KCNMA1: variants seen among roughly 807,000 people sequenced by gnomAD.
The protein encoded by KCNMA1 is potassium calcium-activated channel subfamily M alpha 1, also known as Calcium-activated potassium channel subunit alpha-1.
In KCNMA1, 29 loss-of-function variants were observed where a neutral mutation model predicts 140.0. The observed-to-expected ratio is 0.21, with a 90% CI of 0.15 to 0.28. The LOEUF is 0.28. Among genes scored for constraint, KCNMA1 ranks in the 10% least tolerant of loss-of-function variants. KCNMA1 has a pLI of 1.00. For synonymous variants in KCNMA1, 612 were observed against 611.9 expected, an observed-to-expected ratio of 1.00 and a Z score of 0.00; for missense variants, 880 against 1,602.2, an observed-to-expected ratio of 0.55 and a Z score of 7.70.
intron 3 of KCNMA1, among the ~76,000 whole-genome samples, chr10:77,227,636 T>C (rs2051958866): frequency 6.6e-6 from 1 of 152,182 alleles, no homozygotes; most frequent in Non-Finnish European, 1.5e-5. Flanking sequence ...TTATCAGGGG[T>C]CTGAAATCCT....
chr10:77,219,345 G>A (rs2048819353), intron 3 of KCNMA1, among the ~76,000 whole-genome samples: 1 of 152,126 alleles, frequency 6.6e-6, no homozygotes, highest in Non-Finnish European at 1.5e-5. Flanking sequence ...ACAACAAAAA[G>A]TTAATAGACA....
chr10:76,884,643 T>A (rs919438559), downstream of KCNMA1: 6 of 210,156 alleles, frequency 2.9e-5, no homozygotes, highest in Admixed American at 1.8e-4. Flanking sequence ...TGGAGAGAAG[T>A]TCCCCCCAAA....
chr10:77,388,207 G>C (rs1414852049), intron 2 of KCNMA1, among the ~76,000 whole-genome samples: 1 of 152,176 alleles, frequency 6.6e-6, no homozygotes, highest in African/African-American at 2.4e-5. Context: ...TAGCAGCCAA[G>C]GCTGTGAAAT....
rs1484259264 is a variant in KCNMA1, at chr10:77,637,591, C to CGCCGCCGCCGCCGCCGCTGCT, written c.31_51dup (p.Ser11_Gly17dup). Reference sequence around the variant, plus strand: ...CTCATTCTAAGACTGCTGCCTCCGCCGCCGCCGCCGCCGCCGCTGCTGCCG... The same window carrying CGCCGCCGCCGCCGCCGCTGCT: ...CTCATTCTAAGACTGCTGCCTCCGCCGCCGCCGCCGCCGCCGCTGCTGCCGCCGCCGCCGCCGCTGCTGCCG... On this transcript the variant is annotated inframe_insertion, in exon 1 of 28. Transcript: ENST00000286628. 9.8e-6 allele frequency: 15 copies of CGCCGCCGCCGCCGCCGCTGCT among 1,524,852 alleles called. No homozygotes were observed. The highest frequency in any genetic ancestry group is 3.6e-5 in the South Asian group (3 of 82,674). The allele number at this position is 1,524,852 out of a possible 1,614,324, so 94.5% of individuals were successfully genotyped here. A position where few individuals can be genotyped will look rare whatever the true frequency, so the allele number is the denominator to read the frequency against.
chr10:77,634,179 G>T (rs947540706), intron 1 of KCNMA1: 1 of 985,240 alleles, frequency 1.0e-6, no homozygotes, highest in African/African-American at 1.7e-5. Flanking sequence ...GTCTATGACA[G>T]GATTGAACTT....
At chr10:76,952,267 TC>T in intron 21 of KCNMA1, 2 of 1,287,294 alleles carry the variant, frequency 1.6e-6, no homozygotes, top group South Asian at 1.6e-5. Context: ...ACGCCTGTAA[TC>T]CCAGCACTTT....
At chr10:77,636,627 G>C (rs1488704460) in intron 1 of KCNMA1, 43 of 1,535,966 alleles carry the variant, frequency 2.8e-5, no homozygotes, top group Non-Finnish European at 3.6e-5. Flanking sequence ...TTCCAAAAGT[G>C]GCAGCCCCGT....
At chr10:76,909,152 T>C (rs1345897850) in intron 25 of KCNMA1, among the ~76,000 whole-genome samples, 1 of 152,212 alleles carries the variant, frequency 6.6e-6, no homozygotes, top group Non-Finnish European at 1.5e-5. Context: ...TCAGTCTCAG[T>C]GACAGGCCTG....
intron 2 of KCNMA1, among the ~76,000 whole-genome samples, chr10:77,343,451 C>T (rs911636173): frequency 6.6e-6 from 1 of 152,090 alleles, no homozygotes; most frequent in African/African-American, 2.4e-5. Context: ...CTCCCTACTG[C>T]CTCAATGAGC....
intron 3 of KCNMA1, among the ~76,000 whole-genome samples, chr10:77,195,109 A>G (rs1163163696): frequency 6.6e-6 from 1 of 152,220 alleles, no homozygotes; most frequent in Admixed American, 6.6e-5. Context: ...AAGACCTGGT[A>G]GAAGTCTTTC....
intron 1 of KCNMA1, among the ~76,000 whole-genome samples, chr10:77,522,894 A>G (rs1650221971): frequency 1.3e-5 from 2 of 152,212 alleles, no homozygotes; most frequent in South Asian, 4.1e-4. Context: ...ATTAAATAGC[A>G]ACACCTACTG....
At chr10:77,464,941 G>T (rs2097956484) in intron 1 of KCNMA1, among the ~76,000 whole-genome samples, 1 of 152,126 alleles carries the variant, frequency 6.6e-6, no homozygotes. Context: ...GGGCTGAAGT[G>T]GCCAATTACC....
chr10:77,636,696 C>T, intron 1 of KCNMA1: 1 of 1,528,664 alleles, frequency 6.5e-7, no homozygotes, highest in Non-Finnish European at 8.7e-7. Flanking sequence ...CGAAGTCCCC[C>T]TGTTATCTCG....
At chr10:77,514,624 G>C (rs1025870943) in intron 1 of KCNMA1, among the ~76,000 whole-genome samples, 1 of 152,170 alleles carries the variant, frequency 6.6e-6, no homozygotes, top group Non-Finnish European at 1.5e-5. Context: ...GGTATGCGGA[G>C]AGAGAACCAT....
At chr10:77,074,598 A>G (rs1045371910) in intron 13 of KCNMA1, among the ~76,000 whole-genome samples, 3 of 152,254 alleles carry the variant, frequency 2.0e-5, no homozygotes, top group African/African-American at 7.2e-5. Context: ...GCTTTGTTCT[A>G]GAAGCCAGAA....
chr10:77,169,529 A>G (rs2098679838), intron 5 of KCNMA1, among the ~76,000 whole-genome samples: 1 of 152,074 alleles, frequency 6.6e-6, no homozygotes, highest in Non-Finnish European at 1.5e-5. Context: ...AGCTGGGACC[A>G]CAGGTATGTG....
intron 24 of KCNMA1, chr10:76,911,791 G>A (rs2050395214): frequency 6.6e-6 from 1 of 152,204 alleles, no homozygotes; most frequent in African/African-American, 2.4e-5. Flanking sequence ...CTTGTCCAAA[G>A]GGATGTTGTA....
intron 1 of KCNMA1, among the ~76,000 whole-genome samples, chr10:77,466,629 C>A (rs1411726125): frequency 6.6e-6 from 1 of 152,180 alleles, no homozygotes; most frequent in Non-Finnish European, 1.5e-5. Context: ...ATATAATCAA[C>A]CATTGAAGGC....
At position 77,032,180 on chromosome 10, in the gene KCNMA1, T is replaced by C. The variant is rs139347288; in HGVS notation, c.1860-4289A>G. On this transcript the variant is annotated intron_variant, in intron 15 of 27. Coordinates refer to ENST00000286628, the MANE Select transcript of KCNMA1 (RefSeq NM_001161352.2). ...TTGGGACCTTCTAGAGACCCTCTTA[T>C]ACCCTTATGTACCCCTTACACTCCC... is the stretch of plus-strand genomic sequence containing the variant. Among the ~76,000 whole-genome samples, 98 of 152,338 alleles carry C rather than the reference T, an allele frequency of 6.4e-4. No homozygotes were observed. In the East Asian group the frequency reaches 8.5e-3, roughly 13 times the overall value.
Sources: gnomAD v4.1 joint callset for allele counts (sites outside exome capture counted in the v4.1 genomes callset) on GRCh38, gnomAD v4.1.1 for gene constraint, MANE v1.5 for transcripts, NCBI Gene and HGNC (gene_info 2026-07-23, HGNC 2026-07-21) for gene names.